Variants in PIK3C2G observed in about 807,000 individuals in gnomAD.
PIK3C2G encodes the protein phosphatidylinositol 3-kinase C2 domain-containing subunit gamma.
PIK3C2G carries 168 observed loss-of-function variants against 181.1 expected under a neutral mutation model. The ratio of observed to expected loss-of-function variants is 0.93; its 90% CI spans 0.82 to 1.05. The LOEUF (loss-of-function observed/expected upper bound fraction) is 1.05. Among genes scored for constraint, PIK3C2G ranks in the 50% least tolerant of loss-of-function variants. The pLI is 0.00. For synonymous variants in PIK3C2G, 573 were observed against 592.2 expected, an observed-to-expected ratio of 0.97 and a Z score of 0.47; for missense variants, 1,869 against 1,732.8, an observed-to-expected ratio of 1.08 and a Z score of -1.40.
At chr12:18,300,741 C>T (rs4400855) in intron 5 of PIK3C2G, among the ~76,000 whole-genome samples, 55,793 of 151,726 alleles carry the variant, frequency 0.37, 10,409 homozygotes, top group Non-Finnish European at 0.41. Flanking sequence ...TTTCTGCAGG[C>T]GTAATATTTT....
intron 31 of PIK3C2G, among the ~76,000 whole-genome samples, chr12:18,621,084 A>G (rs940219003): frequency 6.6e-6 from 1 of 152,032 alleles, no homozygotes; most frequent in East Asian, 1.9e-4. Flanking sequence ...TAGTTTCTCA[A>G]TAACCACTAA....
intron 31 of PIK3C2G, among the ~76,000 whole-genome samples, chr12:18,631,891 T>C (rs1261064986): frequency 4.6e-5 from 7 of 152,258 alleles, no homozygotes; most frequent in Non-Finnish European, 1.5e-5. Flanking sequence ...CAGATGGAAA[T>C]ATTCACAGAT....
chr12:18,562,921 AC>A (rs764610151), intron 27 of PIK3C2G, 29 bp downstream of exon 27: 1 of 1,460,828 alleles, frequency 6.8e-7, no homozygotes, highest in Non-Finnish European at 9.4e-7. Flanking sequence ...ATCTTGACTT[AC>A]GTATCACTTG....
At chr12:18,662,977 A>C in the PIK3C2G span, among the ~76,000 whole-genome samples, 1 of 152,120 alleles carries the variant, frequency 6.6e-6, no homozygotes, top group Non-Finnish European at 1.5e-5. Flanking sequence ...GTAGAAACCA[A>C]ATAGAAAACT....
Position 18,566,929 on chromosome 12 carries a change from T to C in PIK3C2G, c.3903-20T>C. On this transcript the variant is annotated intron_variant, in intron 28 of 32. Coordinates refer to ENST00000538779, the MANE Select transcript of PIK3C2G (RefSeq NM_001288772.2). ...CAGTTTTCAAACTAATGAAGATAAC[T>C]TTTTTTTCTCTTAAAACAGGTTTCC... The C allele has an allele frequency of 7.5e-7, 1 of 1,327,362 alleles. No individual in the cohort carries two copies. Among genetic ancestry groups the C allele is most frequent in the Non-Finnish European group, 1.1e-6 (1 of 929,638 alleles). 82.2% of individuals were successfully genotyped at this position (1,327,362 alleles called of 1,614,324 possible).
chr12:18,597,838 T>G (rs1947463765), intron 30 of PIK3C2G, among the ~76,000 whole-genome samples: 2 of 151,986 alleles, frequency 1.3e-5, no homozygotes, highest in African/African-American at 4.8e-5. Context: ...ATCACAAGCA[T>G]TCTTATACAC....
At chr12:18,700,486 C>T in the PIK3C2G span, among the ~76,000 whole-genome samples, 6 of 117,738 alleles carry the variant, frequency 5.1e-5, no homozygotes, top group African/African-American at 1.7e-4. Context: ...CTGGGATGTG[C>T]GCATAACCAG....
intron 4 of PIK3C2G, among the ~76,000 whole-genome samples, chr12:18,293,333 G>A (rs577393124): frequency 5.3e-5 from 8 of 152,178 alleles, no homozygotes; most frequent in Admixed American, 3.9e-4. Flanking sequence ...TTATTTCCAT[G>A]TCTCAGTGAC....
intron 18 of PIK3C2G, among the ~76,000 whole-genome samples, chr12:18,464,086 G>A (rs954872740): frequency 1.3e-4 from 20 of 152,078 alleles, no homozygotes; most frequent in Admixed American, 1.1e-3. Context: ...GATTTGTGGA[G>A]TGAAAAATTG....
chr12:18,245,682 G>C (rs1948032603), upstream of PIK3C2G, among the ~76,000 whole-genome samples: 1 of 152,046 alleles, frequency 6.6e-6, no homozygotes, highest in Non-Finnish European at 1.5e-5. Flanking sequence ...AGTGATAACA[G>C]AATTTTCCCT....
At chr12:18,350,385 T>C (rs902887420) in intron 11 of PIK3C2G, among the ~76,000 whole-genome samples, 1 of 152,164 alleles carries the variant, frequency 6.6e-6, no homozygotes, top group African/African-American at 2.4e-5. Context: ...CAAAAATGCA[T>C]AATATGTACA....
At chr12:18,630,378 C>T (rs1360750282) in intron 31 of PIK3C2G, among the ~76,000 whole-genome samples, 5 of 151,898 alleles carry the variant, frequency 3.3e-5, no homozygotes, top group South Asian at 2.1e-4. Flanking sequence ...GGTAACAGAG[C>T]GGGATTTTTT....
chr12:18,251,015 A>G (rs1948090597), intron 1 of PIK3C2G, among the ~76,000 whole-genome samples: 1 of 152,022 alleles, frequency 6.6e-6, no homozygotes, highest in African/African-American at 2.4e-5. Context: ...GTATGGGGAA[A>G]TTGAAGAAAG....
chr12:18,631,851 T>C (rs1301990237), intron 31 of PIK3C2G, among the ~76,000 whole-genome samples: 3 of 152,112 alleles, frequency 2.0e-5, no homozygotes, highest in Non-Finnish European at 2.9e-5. Context: ...GATTGAAGTT[T>C]ATTGAGTGTA....
At chr12:18,522,238 T>A (rs555486067) in intron 24 of PIK3C2G, among the ~76,000 whole-genome samples, 16 of 152,368 alleles carry the variant, frequency 1.1e-4, no homozygotes, top group Non-Finnish European at 1.3e-4. Flanking sequence ...TCAGCAGTTG[T>A]TTTTAATAGC....
chr12:18,549,535 G>A (rs190930859), intron 26 of PIK3C2G, among the ~76,000 whole-genome samples: 249 of 152,078 alleles, frequency 1.6e-3, no homozygotes, highest in African/African-American at 5.9e-3. Flanking sequence ...CCCCAAGGAA[G>A]TTAAATAATT....
At chr12:18,313,224 T>C (rs903104190) in intron 5 of PIK3C2G, among the ~76,000 whole-genome samples, 3 of 152,150 alleles carry the variant, frequency 2.0e-5, no homozygotes, top group African/African-American at 7.2e-5. Context: ...TGCAAAATAG[T>C]AATTCATTGT....
At chr12:18,514,295 G>T (rs915137597) in intron 24 of PIK3C2G, among the ~76,000 whole-genome samples, 9 of 151,768 alleles carry the variant, frequency 5.9e-5, no homozygotes, top group African/African-American at 2.2e-4. Context: ...AGAAGAATGG[G>T]TATCCTACTG....
At chr12:18,486,046 T>C (rs1349184070) in intron 18 of PIK3C2G, among the ~76,000 whole-genome samples, 1 of 152,152 alleles carries the variant, frequency 6.6e-6, no homozygotes, top group Non-Finnish European at 1.5e-5. Flanking sequence ...CATGTTAATT[T>C]CTCTTGTCAT....
Sources: allele counts gnomAD v4.1 joint callset (sites outside exome capture counted in the v4.1 genomes callset), GRCh38; gene constraint gnomAD v4.1.1; transcripts MANE v1.5; gene names NCBI Gene and HGNC (gene_info 2026-07-23, HGNC 2026-07-21).